UBL3: variants seen among roughly 807,000 people sequenced by gnomAD.
UBL3 encodes ubiquitin-like protein 3.
In UBL3, 6 loss-of-function variants were observed where a neutral mutation model predicts 18.4. The ratio of observed to expected loss-of-function variants is 0.33; its 90% confidence interval spans 0.18 to 0.64. UBL3 has a LOEUF of 0.64. Among genes scored for constraint, UBL3 ranks in the 30% least tolerant of loss-of-function variants. UBL3 has a pLI of 0.76. For missense variants in UBL3, 109 were observed against 142.9 expected (o/e 0.76, Z 1.21); for synonymous variants, 49 against 46.6 (o/e 1.05, Z -0.21).
intron 1 of UBL3, among the ~76,000 whole-genome samples, chr13:29,831,394 A>T (rs1003874684): frequency 3.3e-5 from 5 of 152,142 alleles, no homozygotes; most frequent in Middle Eastern, 3.2e-3. Flanking sequence ...GTTCAAGACC[A>T]GCCTGACCAA....
chr13:29,771,272 C>T (rs1284307468), intron 3 of UBL3, among the ~76,000 whole-genome samples: 1 of 151,982 alleles, frequency 6.6e-6, no homozygotes, highest in Non-Finnish European at 1.5e-5. Flanking sequence ...TTTCATTTGC[C>T]TATACGTTTC....
chr13:29,773,201 T>C (rs546115296), intron 2 of UBL3, among the ~76,000 whole-genome samples: 3 of 152,316 alleles, frequency 2.0e-5, no homozygotes, highest in African/African-American at 7.2e-5. Context: ...TTTGCCCTTT[T>C]TTTGACTATT....
At chr13:29,769,408 G>A (rs533819326) in intron 3 of UBL3, among the ~76,000 whole-genome samples, 46 of 152,150 alleles carry the variant, frequency 3.0e-4, no homozygotes, top group African/African-American at 1.0e-3. Flanking sequence ...TCTAAAATGC[G>A]TTTTCTTCCT....
intron 2 of UBL3, 140 bp downstream of exon 2, chr13:29,777,015 T>C (rs964420643): frequency 1.1e-5 from 6 of 559,664 alleles, no homozygotes; most frequent in East Asian, 6.3e-5. Flanking sequence ...AAGGGTACAA[T>C]GATCCTCTAA....
Position 29,777,765 on chromosome 13 carries a change from A to G in UBL3, c.28-502T>C, listed in dbSNP as rs189775832. Among the ~76,000 whole-genome samples the G allele has an allele frequency of 1.2e-3, 179 of 152,262 alleles. 5 individuals are homozygous for G. In the East Asian group the frequency reaches 0.024, roughly 20 times the overall value. The stretch of plus-strand genomic sequence containing the variant: ...ATTAAAACCTAGACGAATTAACAAT[A>G]AACTATGTATGTTTTTTTGAGACAG... On this transcript the variant is annotated intron_variant, in intron 1 of 4. Transcript: ENST00000380680.
chr13:29,839,619 C>T (rs1236959284), intron 1 of UBL3, among the ~76,000 whole-genome samples: 1 of 152,102 alleles, frequency 6.6e-6, no homozygotes, highest in Non-Finnish European at 1.5e-5. Flanking sequence ...GTGAGACCCC[C>T]ATCTCTTAAA....
chr13:29,800,679 A>G (rs1877736939), intron 1 of UBL3, among the ~76,000 whole-genome samples: 1 of 152,234 alleles, frequency 6.6e-6, no homozygotes, highest in Non-Finnish European at 1.5e-5. Flanking sequence ...TTTATAAAAT[A>G]TGGATGGAAT....
chr13:29,814,961 C>T (rs1051908357), intron 1 of UBL3, among the ~76,000 whole-genome samples: 12 of 152,014 alleles, frequency 7.9e-5, no homozygotes, highest in Non-Finnish European at 1.6e-4. Context: ...CAGTAGAAAA[C>T]GAATTAGTAG....
chr13:29,839,288 A>G (rs543223978), intron 1 of UBL3, among the ~76,000 whole-genome samples: 1 of 152,352 alleles, frequency 6.6e-6, no homozygotes, highest in South Asian at 2.1e-4. Context: ...GAATGATTCC[A>G]GACCACAACA....
At chr13:29,798,024 A>G (rs1195717515) in intron 1 of UBL3, among the ~76,000 whole-genome samples, 1 of 151,236 alleles carries the variant, frequency 6.6e-6, no homozygotes. Flanking sequence ...GGCATATTAA[A>G]TATATATTTT....
Position 29,808,276 on chromosome 13 carries a change from T to C in UBL3, c.28-31013A>G, listed in dbSNP as rs1410514400. ...TGTCATAGTATTCTTATTTGCTCAG[T>C]GTATACTCAATGCATACAGTGCATA... is the stretch of plus-strand genomic sequence containing the variant. On this transcript the variant is annotated intron_variant, in intron 1 of 4. Coordinates refer to ENST00000380680, the MANE Select transcript of UBL3 (RefSeq NM_007106.4). Among the ~76,000 whole-genome samples the C allele has an allele frequency of 2.6e-5, 4 of 152,194 alleles. No homozygotes were observed. The East Asian group carries it at 7.7e-4, about 29-fold the overall frequency.
intron 1 of UBL3, among the ~76,000 whole-genome samples, chr13:29,787,115 AT>A (rs1409070802): frequency 6.6e-6 from 1 of 152,196 alleles, no homozygotes; most frequent in Admixed American, 6.5e-5. Flanking sequence ...CTGTTGGGCT[AT>A]AGAGATGAAT....
Position 29,824,226 on chromosome 13 carries a change from A to G in UBL3, c.27+25286T>C, listed in dbSNP as rs183061278. Reference sequence around the variant, plus strand: ...ATAATCCTTTGGGTATATACCCAGTAATGGGATGGCTGGGTCAAATGGTAT... The same window carrying G: ...ATAATCCTTTGGGTATATACCCAGTGATGGGATGGCTGGGTCAAATGGTAT... On this transcript the variant is annotated intron_variant, in intron 1 of 4. Coordinates refer to ENST00000380680, the MANE Select transcript of UBL3 (RefSeq NM_007106.4). 1.9e-3 allele frequency among the ~76,000 whole-genome samples: 289 copies of G among 152,306 alleles called. 2 individuals carry two copies. The highest frequency in any genetic ancestry group is 6.8e-3 in the African/African-American group (282 of 41,556).
chr13:29,775,236 CT>C (rs1565988834), intron 2 of UBL3, among the ~76,000 whole-genome samples: 1 of 152,192 alleles, frequency 6.6e-6, no homozygotes, highest in East Asian at 1.9e-4. Flanking sequence ...CTGAATCAAT[CT>C]TTTTTAGTTT....
chr13:29,782,303 T>C (rs1877197751), intron 1 of UBL3, among the ~76,000 whole-genome samples: 1 of 152,096 alleles, frequency 6.6e-6, no homozygotes, highest in African/African-American at 2.4e-5. Flanking sequence ...ACACATACTG[T>C]ACTCCATAAA....
chr13:29,843,887 T>C (rs578073259), intron 1 of UBL3, among the ~76,000 whole-genome samples: 1 of 152,312 alleles, frequency 6.6e-6, no homozygotes, highest in Non-Finnish European at 1.5e-5. Context: ...ACACATCCGC[T>C]AGATTTTTAT....
chr13:29,847,166 T>G (rs1187932677), intron 1 of UBL3, among the ~76,000 whole-genome samples: 2 of 152,238 alleles, frequency 1.3e-5, no homozygotes, highest in East Asian at 3.9e-4. Context: ...TAAGCAAAAA[T>G]GCAAAGTTAA....
intron 1 of UBL3, among the ~76,000 whole-genome samples, chr13:29,814,054 G>A (rs1878191123): frequency 6.6e-6 from 1 of 151,936 alleles, no homozygotes; most frequent in Non-Finnish European, 1.5e-5. Context: ...TATTCAAGAG[G>A]GTTACTTTCT....
intron 1 of UBL3, among the ~76,000 whole-genome samples, chr13:29,844,100 A>C (rs1879174975): frequency 6.6e-6 from 1 of 152,338 alleles, no homozygotes; most frequent in South Asian, 2.1e-4. Flanking sequence ...AAAAACTGGA[A>C]AAACTCTGAG....
Sources: allele counts gnomAD v4.1 joint callset (sites outside exome capture counted in the v4.1 genomes callset), GRCh38; gene constraint gnomAD v4.1.1; transcripts MANE v1.5; gene names NCBI Gene and HGNC (gene_info 2026-07-23, HGNC 2026-07-21).